Variants in MTMR10 observed in about 807,000 individuals in gnomAD.
MTMR10 encodes myotubularin-related protein 10.
In MTMR10, 56 loss-of-function variants were observed where a neutral mutation model predicts 88.1. The ratio of observed to expected loss-of-function variants is 0.64; its 90% CI spans 0.51 to 0.79. The LOEUF is 0.79. MTMR10 is among the 30% of genes least tolerant of loss of function. MTMR10 has a pLI of 0.00. For missense variants in MTMR10, 883 were observed against 924.7 expected, an observed-to-expected ratio of 0.95 and a Z score of 0.58; for synonymous variants, 380 against 340.9, an observed-to-expected ratio of 1.11 and a Z score of -1.26.
chr15:30,982,504 A>G (rs1017910353), intron 2 of MTMR10, among the ~76,000 whole-genome samples: 1 of 151,468 alleles, frequency 6.6e-6, no homozygotes, highest in Non-Finnish European at 1.5e-5. Context: ...AAGAAAAAAG[A>G]AAAAAAAAGT....
chr15:30,925,091 T>C, the MTMR10 span: 1 of 1,564,736 alleles, frequency 6.4e-7, no homozygotes, highest in Non-Finnish European at 8.7e-7. Context: ...CATGGGTTTT[T>C]TTAGGAGCCT....
chr15:30,986,195 T>C (rs578116874), intron 2 of MTMR10, among the ~76,000 whole-genome samples: 1 of 152,118 alleles, frequency 6.6e-6, no homozygotes, highest in South Asian at 2.1e-4. Flanking sequence ...CGCACGTCTG[T>C]AGTCCTAGCT....
Position 30,958,908 on chromosome 15 carries a change from A to G in MTMR10, c.890T>C (p.Met297Thr). ...SHSNGSALVR[M>T]ALIKDVLQQR... ...CTGCAGCACGTCTTTGATGAGGGCCATTCGCACAAGAGCACTGCCGTTAGA... is the reference window on the plus strand; with the variant it reads ...CTGCAGCACGTCTTTGATGAGGGCCGTTCGCACAAGAGCACTGCCGTTAGA... The change falls in exon 9 of 16, where the codon ATG becomes ACG. Residue 297 changes from methionine to threonine, a missense_variant. Physicochemically the swap from Met to Thr is moderately conservative, Grantham distance 81 (BLOSUM62 -1). This residue lies in a region of MTMR10 where 414 missense variants were observed against 423.2 expected (regional missense o/e 0.98). Coordinates refer to ENST00000435680, the MANE Select transcript of MTMR10 (RefSeq NM_017762.3). 1 of 1,614,004 alleles carries G rather than the reference A, an allele frequency of 6.2e-7. No individual in the cohort carries two copies. The highest frequency in any genetic ancestry group is 8.5e-7 in the Non-Finnish European group (1 of 1,179,868).
In MTMR10 at chr15:30,974,965, A is replaced by G. The variant is rs752126613; in HGVS notation, c.297T>C (p.Asp99=). 2 of 1,579,166 alleles carry G rather than the reference A, an allele frequency of 1.3e-6. No individual in the cohort carries two copies. Among genetic ancestry groups the G allele is most frequent in the Non-Finnish European group, 1.7e-6 (2 of 1,160,648 alleles). ...HYRNLLLGEH[D]VPLTCIEQIV... ...TTTGCTCAATACATGTTAAAGGGAC[A>G]TCGTGTTCACCAAGAAGAAGGTTTC... Residue 99 remains aspartate, a synonymous_variant, in exon 4 of 16, where the codon GAT becomes GAC. Coordinates refer to ENST00000435680, the MANE Select transcript of MTMR10 (RefSeq NM_017762.3).
At position 30,984,738 on chromosome 15, in the gene MTMR10, C is replaced by T. The variant is rs182534448; in HGVS notation, c.121+6039G>A. Among the ~76,000 whole-genome samples the T allele has an allele frequency of 5.8e-3, 887 of 152,238 alleles. 6 individuals carry two copies. The highest frequency in any genetic ancestry group is 0.02 in the Middle Eastern group (6 of 294). On this transcript the variant is annotated intron_variant, in intron 2 of 15. Coordinates refer to ENST00000435680, the MANE Select transcript of MTMR10 (RefSeq NM_017762.3). ...GCATTCATTATCTAATAGTTAATCT[C>T]AAGAATGAAAGTGCTGTGAGCACTG...
chr15:30,991,343 A>C (rs2031313154), intron 1 of MTMR10, 104 bp downstream of exon 1: 4 of 1,157,258 alleles, frequency 3.5e-6, no homozygotes, highest in Middle Eastern at 3.1e-4. Flanking sequence ...GTGGGCAGGG[A>C]GACGCGCGCA....
At chr15:30,925,935 C>T in the MTMR10 span, 1 of 1,614,104 alleles carries the variant, frequency 6.2e-7, no homozygotes, top group Non-Finnish European at 8.5e-7. Context: ...GCGGTTTTGA[C>T]CAGGGTAACT....
intron 2 of MTMR10, among the ~76,000 whole-genome samples, chr15:30,986,881 C>A (rs1397056055): frequency 6.6e-6 from 1 of 152,246 alleles, no homozygotes; most frequent in Non-Finnish European, 1.5e-5. Flanking sequence ...GAGATACTCA[C>A]ATCCTCACCG....
downstream of MTMR10, among the ~76,000 whole-genome samples, chr15:30,935,327 AAAAG>A (rs2062822919): frequency 6.6e-6 from 1 of 152,128 alleles, no homozygotes; most frequent in African/African-American, 2.4e-5. Flanking sequence ...GAAAAAAAGA[AAAAG>A]AAAAAATTTC....
chr15:30,931,254 A>T, the MTMR10 span, among the ~76,000 whole-genome samples: 6 of 152,170 alleles, frequency 3.9e-5, no homozygotes, highest in African/African-American at 1.4e-4. Context: ...AACGCTGTCC[A>T]CTAGCCCAGC....
chr15:30,933,868 C>T, the MTMR10 span, among the ~76,000 whole-genome samples: 6 of 151,928 alleles, frequency 3.9e-5, no homozygotes, highest in African/African-American at 1.5e-4. Flanking sequence ...TCAAGCAATT[C>T]TTCTGCCTCA....
intron 12 of MTMR10, chr15:30,949,993 G>A (rs943850479): frequency 2.0e-5 from 3 of 152,138 alleles, no homozygotes; most frequent in Non-Finnish European, 4.4e-5. Context: ...ACTAGACTCT[G>A]TATATTTACT....
intron 11 of MTMR10, among the ~76,000 whole-genome samples, 196 bp downstream of exon 11, chr15:30,953,366 G>T (rs1325811007): frequency 1.3e-5 from 2 of 152,176 alleles, no homozygotes; most frequent in African/African-American, 4.8e-5. Context: ...GTATGAACTG[G>T]TGAGTAAGAG....
rs998039112 is a variant in MTMR10 at position 30,976,827 on chromosome 15, G to A, written c.250C>T (p.Pro84Ser). The change falls in exon 3 of 16, where the codon CCA (proline) becomes TCA (serine). Residue 84 changes from proline (P) to serine (S), a missense_variant. Around this residue, in one of 3 missense-constraint regions of MTMR10, gnomAD observed 414 missense variants for 423.2 expected, o/e 0.98. Coordinates refer to ENST00000435680, the MANE Select transcript of MTMR10 (RefSeq NM_017762.3). ...GTACTAATAAAACACACCTGTAATGGCATTGGGTCATCTGTAATAAAGGAG... is the reference window on the plus strand; with the variant it reads ...GTACTAATAAAACACACCTGTAATGACATTGGGTCATCTGTAATAAAGGAG... Reference protein sequence around the residue: ...KISFITDDPMPLQKFHYRNLL... With the variant: ...KISFITDDPMSLQKFHYRNLL... 6.2e-7 allele frequency: 1 copy of A among 1,613,310 alleles called. No individual in the cohort carries two copies. The highest frequency in any genetic ancestry group is 2.2e-5 in the East Asian group (1 of 44,866).
At chr15:30,937,511 G>A (rs937550514), downstream of MTMR10, among the ~76,000 whole-genome samples, 5 of 145,256 alleles carry the variant, frequency 3.4e-5, no homozygotes, top group Admixed American at 1.4e-4. Flanking sequence ...GAGTGCAGTG[G>A]TGTGATCTCG....
chr15:30,958,050 G>C (rs540433749), intron 9 of MTMR10, among the ~76,000 whole-genome samples: 1 of 152,196 alleles, frequency 6.6e-6, no homozygotes, highest in South Asian at 2.1e-4. Context: ...GAGCAGGCTG[G>C]GGGAGGGCAT....
At chr15:30,924,921 T>G in the MTMR10 span, among the ~76,000 whole-genome samples, 3 of 152,198 alleles carry the variant, frequency 2.0e-5, no homozygotes, top group Non-Finnish European at 4.4e-5. Flanking sequence ...TCCAGCACGT[T>G]GACTGTGAAG....
At chr15:30,929,615 AAT>A in the MTMR10 span, among the ~76,000 whole-genome samples, 3 of 129,826 alleles carry the variant, frequency 2.3e-5, no homozygotes, top group South Asian at 2.1e-4. Context: ...TTACATATAT[AAT>A]ATATATTATA....
chr15:30,926,444 A>G, the MTMR10 span: 1 of 205,778 alleles, frequency 4.9e-6, no homozygotes, highest in African/African-American at 2.4e-5. Flanking sequence ...AAACACTGAT[A>G]TTTTCAGATG....
Sources: allele counts gnomAD v4.1 joint callset (sites outside exome capture counted in the v4.1 genomes callset), GRCh38; gene constraint gnomAD v4.1.1; regional missense constraint gnomAD v4.1.1; transcripts MANE v1.5; gene names NCBI Gene and HGNC (gene_info 2026-07-23, HGNC 2026-07-21).